The following KHDRBS2 variants were observed in gnomAD, a reference collection of about 807,000 sequenced individuals.
The protein encoded by KHDRBS2 is KH domain-containing, RNA-binding, signal transduction-associated protein 2.
KHDRBS2 carries 26 observed loss-of-function variants against 44.3 expected under a neutral mutation model. The observed-to-expected ratio is 0.59, with a 90% CI of 0.43 to 0.81. The LOEUF (loss-of-function observed/expected upper bound fraction) is 0.81. KHDRBS2 is among the 40% of genes least tolerant of loss of function. KHDRBS2 has a pLI of 0.00. For synonymous variants in KHDRBS2, 194 were observed against 151.1 expected (o/e 1.28, Z -2.08); for missense variants, 476 against 433.1 (o/e 1.10, Z -0.88).
intron 6 of KHDRBS2, among the ~76,000 whole-genome samples, chr6:61,817,200 T>C (rs1316119198): frequency 6.6e-6 from 1 of 152,126 alleles, no homozygotes; most frequent in Non-Finnish European, 1.5e-5. Context: ...TGACAGTACA[T>C]TACTGATGAT....
chr6:61,640,166 T>C, the KHDRBS2 span, among the ~76,000 whole-genome samples: 1 of 152,048 alleles, frequency 6.6e-6, no homozygotes, highest in Non-Finnish European at 1.5e-5. Flanking sequence ...CTTTAAAATA[T>C]TAGATAAAAA....
chr6:61,581,812 G>T, the KHDRBS2 span, among the ~76,000 whole-genome samples: 3 of 151,254 alleles, frequency 2.0e-5, no homozygotes, highest in African/African-American at 2.4e-5. Flanking sequence ...TTGTTAAAGA[G>T]ATATGCAGAT....
At chr6:62,086,646 T>C (rs1256132522) in intron 2 of KHDRBS2, among the ~76,000 whole-genome samples, 1 of 152,122 alleles carries the variant, frequency 6.6e-6, no homozygotes, top group Non-Finnish European at 1.5e-5. Flanking sequence ...TTAGCATCTG[T>C]TCAGGATAAA....
chr6:62,175,872 C>T (rs60858855), intron 2 of KHDRBS2, among the ~76,000 whole-genome samples: 1,696 of 151,492 alleles, frequency 0.011, 32 homozygotes, highest in African/African-American at 0.035. Flanking sequence ...CCTTACATAC[C>T]TTGCCAGCTT....
At chr6:61,599,576 T>C in the KHDRBS2 span, among the ~76,000 whole-genome samples, 1 of 152,202 alleles carries the variant, frequency 6.6e-6, no homozygotes, top group Non-Finnish European at 1.5e-5. Context: ...GTCTTCAGTA[T>C]TCCATGAATT....
At chr6:61,917,105 C>A (rs1271353691) in intron 4 of KHDRBS2, among the ~76,000 whole-genome samples, 2 of 149,766 alleles carry the variant, frequency 1.3e-5, no homozygotes, top group African/African-American at 4.9e-5. Flanking sequence ...TCTATCCAAA[C>A]GAGTTGAAAA....
intron 6 of KHDRBS2, among the ~76,000 whole-genome samples, chr6:61,858,841 T>C (rs1053017729): frequency 9.2e-5 from 14 of 151,976 alleles, no homozygotes; most frequent in Admixed American, 2.6e-4. Context: ...AGTCGTATAT[T>C]GGCCAGATTA....
At chr6:61,556,595 A>T in the KHDRBS2 span, among the ~76,000 whole-genome samples, 5 of 152,058 alleles carry the variant, frequency 3.3e-5, no homozygotes, top group Non-Finnish European at 7.4e-5. Flanking sequence ...GAAAATATGG[A>T]GTTTAGCCAA....
At chr6:62,006,512 A>G (rs1341039830) in intron 3 of KHDRBS2, among the ~76,000 whole-genome samples, 3 of 152,058 alleles carry the variant, frequency 2.0e-5, no homozygotes, top group African/African-American at 7.2e-5. Context: ...ATCTAATCAG[A>G]GACTATATAA....
the KHDRBS2 span, among the ~76,000 whole-genome samples, chr6:61,546,356 C>T: frequency 6.6e-6 from 1 of 151,728 alleles, no homozygotes; most frequent in Admixed American, 6.6e-5. Flanking sequence ...TTGTGCTAGG[C>T]CAATTTGTGT....
Position 61,680,900 on chromosome 6 carries a change from G to T in KHDRBS2, c.*63C>A. On this transcript the variant is annotated 3_prime_UTR_variant, in exon 9 of 9. Coordinates refer to ENST00000281156, the MANE Select transcript of KHDRBS2 (RefSeq NM_152688.4). ...AAGGACTATTACTTGTCTTGTTGCT[G>T]TTTATGTGGAGACCACAGGCTATGA... 9.7e-7 allele frequency: 1 copy of T among 1,031,460 alleles called. No homozygotes were observed. The highest frequency in any genetic ancestry group is 1.5e-6 in the Non-Finnish European group (1 of 668,050). The allele number at this position is 1,031,460 out of a possible 1,614,324, so 63.9% of individuals were successfully genotyped here.
At chr6:61,706,880 C>A (rs1340455325) in intron 7 of KHDRBS2, among the ~76,000 whole-genome samples, 2 of 150,726 alleles carry the variant, frequency 1.3e-5, no homozygotes, top group Non-Finnish European at 3.0e-5. Context: ...ACAAAATAGG[C>A]AAAGATTATT....
At chr6:61,587,664 T>C in the KHDRBS2 span, among the ~76,000 whole-genome samples, 1 of 152,174 alleles carries the variant, frequency 6.6e-6, no homozygotes, top group East Asian at 1.9e-4. Flanking sequence ...AAAAAAATGA[T>C]ATTTTTGATT....
chr6:62,151,827 G>A (rs143832665), intron 2 of KHDRBS2, among the ~76,000 whole-genome samples: 11 of 152,228 alleles, frequency 7.2e-5, no homozygotes, highest in Non-Finnish European at 1.5e-4. Context: ...AGAGTGTAAC[G>A]CAGCAAATAT....
chr6:62,094,500 T>C (rs191086981), intron 2 of KHDRBS2, among the ~76,000 whole-genome samples: 94 of 152,042 alleles, frequency 6.2e-4, no homozygotes, highest in African/African-American at 2.2e-3. Flanking sequence ...CTTTGCTCTG[T>C]TGATTATTTC....
chr6:61,651,449 C>T, the KHDRBS2 span, among the ~76,000 whole-genome samples: 1 of 151,994 alleles, frequency 6.6e-6, no homozygotes, highest in Non-Finnish European at 1.5e-5. Flanking sequence ...TTTGCACCTA[C>T]ATTTTGACTG....
At chr6:62,127,806 T>C (rs1809325911) in intron 2 of KHDRBS2, among the ~76,000 whole-genome samples, 1 of 152,158 alleles carries the variant, frequency 6.6e-6, no homozygotes, top group South Asian at 2.1e-4. Context: ...CAAGATTCCC[T>C]CAACATTCTG....
At position 62,153,867 on chromosome 6, in the gene KHDRBS2, G is replaced by A. The variant is rs563123815; in HGVS notation, c.219+23318C>T. Among the ~76,000 whole-genome samples, 87 of 152,274 alleles carry A rather than the reference G, an allele frequency of 5.7e-4. 1 individual carries two copies. The South Asian group carries it at 0.017, about 30-fold the overall frequency. ...GCTTTGCCTAAAGCATTCACAGTAT[G>A]ATTTTAACAGGAACAGTCTCAGGCA... On this transcript the variant is annotated intron_variant, in intron 2 of 8. Coordinates refer to ENST00000281156, the MANE Select transcript of KHDRBS2 (RefSeq NM_152688.4).
chr6:61,731,914 G>A (rs1422504240), intron 7 of KHDRBS2, among the ~76,000 whole-genome samples: 2 of 151,990 alleles, frequency 1.3e-5, no homozygotes, highest in South Asian at 4.1e-4. Flanking sequence ...TTCTTACAAG[G>A]TGTTCTAGAG....
Sources: gnomAD v4.1 joint callset for allele counts (sites outside exome capture counted in the v4.1 genomes callset) on GRCh38, gnomAD v4.1.1 for gene constraint, MANE v1.5 for transcripts, NCBI Gene and HGNC (gene_info 2026-07-23, HGNC 2026-07-21) for gene names.